AGPAT3: variants seen among roughly 807,000 people sequenced by gnomAD.
AGPAT3 encodes 1-acyl-sn-glycerol-3-phosphate acyltransferase gamma.
In AGPAT3, 5 loss-of-function variants were observed where a neutral mutation model predicts 47.3. The ratio of observed to expected loss-of-function variants is 0.11; its 90% CI spans 0.06 to 0.22. The LOEUF is 0.22. AGPAT3 is among the 10% of genes least tolerant of loss of function. The pLI is 1.00. For missense variants in AGPAT3, 315 were observed against 493.0 expected (o/e 0.64, Z 3.42); for synonymous variants, 212 against 208.3 (o/e 1.02, Z -0.15).
At chr21:43,931,922 CGTGTGTGTGTGTGTGTGTGT>C (rs55978822) in intron 2 of AGPAT3, among the ~76,000 whole-genome samples, 6 of 145,760 alleles carry the variant, frequency 4.1e-5, no homozygotes, top group South Asian at 2.2e-4. Context: ...AAGAGGATCT[CGTGTGTGTGTGTGTGTGTGT>C]GTGTGTGTGT....
At chr21:43,947,696 T>C (rs1232925586) in intron 2 of AGPAT3, among the ~76,000 whole-genome samples, 2 of 151,418 alleles carry the variant, frequency 1.3e-5, no homozygotes, top group Admixed American at 6.6e-5. Flanking sequence ...TCTTTTCTTT[T>C]TTTTTTTTTT....
chr21:43,977,401 C>G (rs1388262297), intron 7 of AGPAT3, among the ~76,000 whole-genome samples: 1 of 152,224 alleles, frequency 6.6e-6, no homozygotes, highest in Non-Finnish European at 1.5e-5. Flanking sequence ...CACATGACCA[C>G]CCTTCTCATG....
intron 5 of AGPAT3, among the ~76,000 whole-genome samples, chr21:43,969,589 C>G (rs1046241764): frequency 3.3e-5 from 5 of 152,244 alleles, no homozygotes; most frequent in South Asian, 4.1e-4. Context: ...GTGTGCATCC[C>G]CATTCTTTTT....
At chr21:43,884,312 T>C (rs2085922056) in intron 1 of AGPAT3, among the ~76,000 whole-genome samples, 1 of 144,402 alleles carries the variant, frequency 6.9e-6, no homozygotes, top group Non-Finnish European at 1.5e-5. Context: ...CTGAGGGCAT[T>C]TGGCCTCATA....
Position 43,945,364 on chromosome 21 carries a change from A to G in AGPAT3, c.-48-14270A>G, listed in dbSNP as rs945802479. Among the ~76,000 whole-genome samples, 5 of 152,338 alleles carry G rather than the reference A, an allele frequency of 3.3e-5. 1 individual carries two copies. Among genetic ancestry groups the G allele is most frequent in the African/African-American group, 1.2e-4 (5 of 41,580 alleles). ...AAGAAAATTCGGCTGAACTGTGCAC[A>G]TTGGGGAGCATTTTCATTCACATTA... is the stretch of plus-strand genomic sequence containing the variant. On this transcript the variant is annotated intron_variant, in intron 2 of 9. Coordinates refer to ENST00000291572, the MANE Select transcript of AGPAT3 (RefSeq NM_020132.5).
intron 3 of AGPAT3, 82 bp downstream of exon 3, chr21:43,959,941 T>C (rs2088749584): frequency 6.9e-7 from 1 of 1,441,762 alleles, no homozygotes; most frequent in Non-Finnish European, 9.4e-7. Flanking sequence ...AGCCGTGGGC[T>C]CTCAGGCAGG....
At chr21:43,899,344 A>T (rs2086298896) in intron 1 of AGPAT3, among the ~76,000 whole-genome samples, 1 of 152,186 alleles carries the variant, frequency 6.6e-6, no homozygotes, top group Non-Finnish European at 1.5e-5. Flanking sequence ...CTTTGAAGGT[A>T]GTCTCCCTTT....
At chr21:43,905,407 C>G (rs1021919216) in intron 2 of AGPAT3, among the ~76,000 whole-genome samples, 3 of 152,026 alleles carry the variant, frequency 2.0e-5, no homozygotes, top group Non-Finnish European at 2.9e-5. Context: ...CCAGGATGGT[C>G]TCTATTGCTT....
intron 1 of AGPAT3, among the ~76,000 whole-genome samples, chr21:43,871,714 C>T (rs1289727160): frequency 3.3e-5 from 5 of 152,206 alleles, no homozygotes; most frequent in Non-Finnish European, 7.4e-5. Context: ...TCATGTGCTT[C>T]ATCCATTTTT....
intron 1 of AGPAT3, among the ~76,000 whole-genome samples, chr21:43,870,094 G>T (rs953899827): frequency 1.3e-5 from 2 of 152,164 alleles, no homozygotes; most frequent in African/African-American, 4.8e-5. Flanking sequence ...GGGCGGGCGG[G>T]ATTTTGGATT....
intron 1 of AGPAT3, among the ~76,000 whole-genome samples, chr21:43,874,727 G>A (rs1206960671): frequency 6.6e-6 from 1 of 152,130 alleles, no homozygotes; most frequent in African/African-American, 2.4e-5. Context: ...CTTGACTGTG[G>A]TCTTTCTAGC....
In AGPAT3 at chr21:43,970,527, A is replaced by G; in HGVS notation, c.511-126A>G. ...AGTCATAACCCATGCTGCTCGCTAA[A>G]GCGGTTCCAAGATTTCCACAAATTC... On this transcript the variant is annotated intron_variant, in intron 5 of 9. Coordinates refer to ENST00000291572, the MANE Select transcript of AGPAT3 (RefSeq NM_020132.5). The surrounding 1 kb of genome is among the most constrained non-coding windows in gnomAD (Gnocchi z 5.8). 3.0e-6 allele frequency: 3 copies of G among 989,270 alleles called. No homozygotes were observed. Among genetic ancestry groups the G allele is most frequent in the Non-Finnish European group, 4.4e-6 (3 of 675,402 alleles). 61.3% of individuals were successfully genotyped at this position (989,270 alleles called of 1,614,324 possible).
chr21:43,888,394 G>A (rs2086027299), intron 1 of AGPAT3, among the ~76,000 whole-genome samples: 2 of 54,056 alleles, frequency 3.7e-5, no homozygotes, highest in African/African-American at 2.2e-4. Context: ...TTGTTTTTGT[G>A]TAGGATATAT....
chr21:43,949,036 G>A (rs776223266), intron 2 of AGPAT3, among the ~76,000 whole-genome samples: 1 of 152,174 alleles, frequency 6.6e-6, no homozygotes, highest in Non-Finnish European at 1.5e-5. Context: ...AGATGTTGTA[G>A]TGTATTTTAG....
rs890348714 is a variant in AGPAT3 at position 43,872,993 on chromosome 21, C to G, written c.-112+7648C>G. On this transcript the variant is annotated intron_variant, in intron 1 of 9. Transcript: ENST00000291572. ...AACCACAGAGAGCTGCGGCCTCCCC[C>G]TGCCGGGACGGCGAAACTTAAAAGA... 5.3e-5 allele frequency among the ~76,000 whole-genome samples: 8 copies of G among 152,242 alleles called. No homozygotes were observed. In the South Asian group the frequency reaches 1.2e-3, roughly 24 times the overall value.
chr21:43,969,333 C>T (rs749438274), intron 5 of AGPAT3, 54 bp downstream of exon 5: 45 of 1,601,956 alleles, frequency 2.8e-5, no homozygotes, highest in East Asian at 2.2e-4. Flanking sequence ...GCCACGCCAA[C>T]TCCTGATGCA....
At chr21:43,943,199 C>T (rs9977449) in intron 2 of AGPAT3, among the ~76,000 whole-genome samples, 4,258 of 152,214 alleles carry the variant, frequency 0.028, 196 homozygotes, top group African/African-American at 0.096. Flanking sequence ...CTCAGCCTCC[C>T]GAGTAGCTGG....
At chr21:43,899,513 G>T (rs374988550) in intron 1 of AGPAT3, among the ~76,000 whole-genome samples, 1 of 152,252 alleles carries the variant, frequency 6.6e-6, no homozygotes, top group East Asian at 1.9e-4. Flanking sequence ...GAAGGTCTGA[G>T]CGATTCGTGA....
intron 2 of AGPAT3, among the ~76,000 whole-genome samples, chr21:43,956,287 G>A (rs1360858139): frequency 2.0e-5 from 3 of 152,238 alleles, no homozygotes; most frequent in African/African-American, 7.2e-5. Flanking sequence ...TGGGGGGGCT[G>A]CAGTGTGTCT....
Sources: gnomAD v4.1 joint callset for allele counts (sites outside exome capture counted in the v4.1 genomes callset) on GRCh38, gnomAD v4.1.1 for gene constraint, Gnocchi (gnomAD v3.1) non-coding constraint, MANE v1.5 for transcripts, NCBI Gene and HGNC (gene_info 2026-07-23, HGNC 2026-07-21) for gene names.